The following ABI3BP variants were observed in gnomAD, a reference collection of about 807,000 sequenced individuals.
ABI3BP encodes ABI family member 3 binding protein, also known as target of Nesh-SH3.
ABI3BP carries 216 observed loss-of-function variants against 268.6 expected under a neutral mutation model. The observed-to-expected ratio is 0.80, with a 90% CI of 0.72 to 0.90. The LOEUF (loss-of-function observed/expected upper bound fraction) is 0.90. ABI3BP is among the 40% of genes least tolerant of loss of function. The pLI, the probability that ABI3BP is intolerant of heterozygous loss-of-function variation, is 0.00. For synonymous variants in ABI3BP, 730 were observed against 730.0 expected (o/e 1.00, Z 0.00); for missense variants, 2,090 against 2,182.4 (o/e 0.96, Z 0.84).
At chr3:100,774,523 T>A in intron 61 of ABI3BP, 82 bp downstream of exon 61, 1 of 1,158,710 alleles carries the variant, frequency 8.6e-7, no homozygotes, top group East Asian at 2.6e-5. Context: ...AGATTTGTGG[T>A]TTTTTACACA....
intron 7 of ABI3BP, 119 bp from the exon 8 acceptor site, chr3:100,875,698 G>A: frequency 2.8e-6 from 2 of 707,128 alleles, no homozygotes; most frequent in Admixed American, 4.4e-5. Flanking sequence ...TTAATACAAA[G>A]CAACTCAGTG....
At position 100,898,905 on chromosome 3, in the gene ABI3BP, G is replaced by A; in HGVS notation, c.329-11C>T. 7 of 1,596,590 alleles carry A rather than the reference G, an allele frequency of 4.4e-6. No individual in the cohort carries two copies. Among genetic ancestry groups the A allele is most frequent in the Non-Finnish European group, 6.0e-6 (7 of 1,172,870 alleles). On this transcript the variant is annotated splice_polypyrimidine_tract_variant and intron_variant, in intron 3 of 67. Transcript: ENST00000471714. ...GAGAACGAGTTTTACCTGTGGAGGT[G>A]GCATAGAGGTTAATAATTCAGGAGA...
At chr3:100,808,867 A>G (rs2097778739) in intron 49 of ABI3BP, among the ~76,000 whole-genome samples, 2 of 152,040 alleles carry the variant, frequency 1.3e-5, no homozygotes, top group Admixed American at 1.3e-4. Context: ...TGAAAAATCT[A>G]TCCTGCTGAA....
chr3:100,782,248 G>A (rs765098593), intron 57 of ABI3BP, among the ~76,000 whole-genome samples: 5 of 152,224 alleles, frequency 3.3e-5, no homozygotes, highest in Non-Finnish European at 5.9e-5. Context: ...CCAAGTCACA[G>A]GGGCTGGTAG....
At chr3:100,773,056 C>A (rs147599675) in intron 61 of ABI3BP, among the ~76,000 whole-genome samples, 2,441 of 128,118 alleles carry the variant, frequency 0.019, 72 homozygotes, top group African/African-American at 0.068. Context: ...TCAGCCTGGG[C>A]AACAGAGCGA....
intron 56 of ABI3BP, 92 bp from the exon 57 acceptor site, chr3:100,787,894 A>C: frequency 1.1e-6 from 1 of 903,040 alleles, no homozygotes; most frequent in Non-Finnish European, 1.6e-6. Flanking sequence ...AAAGTCATTT[A>C]GGCAATAAAA....
rs1242685098 is a variant in ABI3BP, at chr3:100,750,307, A to G, written c.*188T>C. On this transcript the variant is annotated 3_prime_UTR_variant, in exon 68 of 68. Transcript: ENST00000471714. ...GTTAACATCAGTATCTTGCTTTCTT[A>G]AAATGACTTTGTAAAACCTGATAAA... 4 of 477,206 alleles carry G rather than the reference A, an allele frequency of 8.4e-6. No homozygotes were observed. Among genetic ancestry groups the G allele is most frequent in the Non-Finnish European group, 1.5e-5 (4 of 274,738 alleles). The allele number at this position is 477,206 out of a possible 1,614,324, so 29.6% of individuals were successfully genotyped here.
chr3:100,835,659 A>T lies in ABI3BP; in HGVS notation c.2133T>A (p.Val711=). Reference sequence around the variant, plus strand: ...TTACAGGCTCAATGTCTGTGGTGGGAACTAACCAAAAGCAATACAATAAAC... The same window carrying T: ...TTACAGGCTCAATGTCTGTGGTGGGTACTAACCAAAAGCAATACAATAAAC... The part of the protein sequence containing the change: ...FETEAPSMTI[V]PTTDIEPVTV... Residue 711 remains valine, a splice_region_variant and synonymous_variant, in exon 28 of 68, where the codon GTT becomes GTA. Coordinates refer to ENST00000471714, the MANE Select transcript of ABI3BP (RefSeq NM_001375547.2). 6.5e-7 allele frequency: 1 copy of T among 1,534,130 alleles called. No homozygotes were observed. Among genetic ancestry groups the T allele is most frequent in the Non-Finnish European group, 8.7e-7 (1 of 1,145,498 alleles).
rs1048923461 is a variant in ABI3BP at position 100,848,738 on chromosome 3, T to C, written c.1576+63A>G. 10 of 1,525,312 alleles carry C rather than the reference T, an allele frequency of 6.6e-6. No homozygotes were observed. The East Asian group carries it at 9.1e-5, about 14-fold the overall frequency. The allele number at this position is 1,525,312 out of a possible 1,614,324, so 94.5% of individuals were successfully genotyped here. A position where few individuals can be genotyped will look rare whatever the true frequency, so the allele number is the denominator to read the frequency against. ...CACTGCACCTGGCTATCCTTCTTACTATAAGAAAATGGACATTGTCTATCT... is the reference window on the plus strand; with the variant it reads ...CACTGCACCTGGCTATCCTTCTTACCATAAGAAAATGGACATTGTCTATCT... On this transcript the variant is annotated intron_variant, in intron 18 of 67. Transcript: ENST00000471714.
intron 20 of ABI3BP, among the ~76,000 whole-genome samples, chr3:100,842,806 A>G (rs1008346838): frequency 9.2e-5 from 14 of 152,230 alleles, no homozygotes; most frequent in African/African-American, 3.4e-4. Flanking sequence ...TCATTATTCT[A>G]TCAACAAAAA....
At chr3:100,805,790 A>C (rs2097688921) in intron 50 of ABI3BP, among the ~76,000 whole-genome samples, 1 of 152,106 alleles carries the variant, frequency 6.6e-6, no homozygotes, top group Non-Finnish European at 1.5e-5. Context: ...AAGGTGAAAC[A>C]ATAAACCTGC....
At chr3:100,864,946 A>T in intron 10 of ABI3BP, 39 bp from the exon 11 acceptor site, 1 of 1,512,914 alleles carries the variant, frequency 6.6e-7, no homozygotes, top group Non-Finnish European at 9.0e-7. Flanking sequence ...ATTAAGATAA[A>T]GTGAAGCAAC....
At chr3:100,844,257 C>T (rs1580167268) in intron 20 of ABI3BP, 1 of 985,410 alleles carries the variant, frequency 1.0e-6, no homozygotes, top group East Asian at 1.1e-4. Context: ...GTGAAACAAA[C>T]ACCTGTAATT....
intron 4 of ABI3BP, among the ~76,000 whole-genome samples, chr3:100,886,814 C>T (rs1023040450): frequency 1.3e-5 from 2 of 151,820 alleles, no homozygotes. Context: ...GTATTCAGTA[C>T]TGCATTTTAA....
chr3:100,979,221 T>A (rs2087918054), intron 1 of ABI3BP, among the ~76,000 whole-genome samples: 1 of 152,078 alleles, frequency 6.6e-6, no homozygotes, highest in East Asian at 1.9e-4. Flanking sequence ...AGAGTGAGAG[T>A]CATTATCTCT....
intron 1 of ABI3BP, among the ~76,000 whole-genome samples, chr3:100,975,024 T>G (rs906000736): frequency 6.6e-6 from 1 of 152,160 alleles, no homozygotes; most frequent in Non-Finnish European, 1.5e-5. Context: ...AGCTTAGTTA[T>G]TTGATAAGAA....
intron 2 of ABI3BP, chr3:100,914,338 G>A (rs1216231834): frequency 5.0e-6 from 2 of 398,962 alleles, no homozygotes; most frequent in South Asian, 1.9e-5. Flanking sequence ...CCATGGCTTG[G>A]AGAATTCTGG....
At chr3:100,775,128 C>T in intron 60 of ABI3BP, 79 bp downstream of exon 60, 2 of 1,519,878 alleles carry the variant, frequency 1.3e-6, no homozygotes, top group Non-Finnish European at 1.8e-6. Context: ...CAAACTGAGA[C>T]TCACCCATCC....
At chr3:100,760,892 T>TA (rs1553747704) in intron 63 of ABI3BP, among the ~76,000 whole-genome samples, 7 of 151,896 alleles carry the variant, frequency 4.6e-5, no homozygotes, top group Middle Eastern at 3.4e-3. Flanking sequence ...GTTTTTTTTT[T>TA]AAATTTTCAT....
Sources: gnomAD v4.1 joint callset for allele counts (sites outside exome capture counted in the v4.1 genomes callset) on GRCh38, gnomAD v4.1.1 for gene constraint, MANE v1.5 for transcripts, NCBI Gene and HGNC (gene_info 2026-07-23, HGNC 2026-07-21) for gene names.